The following DOK6 variants were observed in gnomAD, a reference collection of about 807,000 sequenced individuals.
DOK6 encodes docking protein 6, also known as downstream of tyrosine kinase 6.
In DOK6, 22 loss-of-function variants were observed where a neutral mutation model predicts 44.0. The observed-to-expected ratio is 0.50, with a 90% confidence interval of 0.36 to 0.71. The LOEUF is 0.71. DOK6 is among the 30% of genes least tolerant of loss of function. The pLI, the probability that DOK6 is intolerant of heterozygous loss-of-function variation, is 0.00. For missense variants in DOK6, 340 were observed against 416.4 expected, an observed-to-expected ratio of 0.82 and a Z score of 1.60; for synonymous variants, 166 against 145.5, an observed-to-expected ratio of 1.14 and a Z score of -1.01.
At chr18:69,773,338 G>C (rs1979943877) in intron 7 of DOK6, among the ~76,000 whole-genome samples, 1 of 151,708 alleles carries the variant, frequency 6.6e-6, no homozygotes, top group Admixed American at 6.6e-5. Flanking sequence ...TCCACCTACG[G>C]GTATTTATCA....
At chr18:69,716,692 CA>C (rs11351701) in intron 5 of DOK6, among the ~76,000 whole-genome samples, 38,877 of 104,446 alleles carry the variant, frequency 0.37, 4,614 homozygotes, top group East Asian at 0.42. Context: ...GCAGAATTGA[CA>C]AAAAAAAAAA....
chr18:69,429,500 C>G (rs1404137518), intron 1 of DOK6, among the ~76,000 whole-genome samples: 2 of 150,964 alleles, frequency 1.3e-5, no homozygotes, highest in African/African-American at 4.9e-5. Context: ...CCTGTTTGTA[C>G]TTGAGATTTT....
At chr18:69,707,896 C>T (rs1197116172) in intron 5 of DOK6, among the ~76,000 whole-genome samples, 2 of 152,002 alleles carry the variant, frequency 1.3e-5, no homozygotes, top group African/African-American at 4.8e-5. Context: ...ATTTGCACGG[C>T]GAATCATAAA....
chr18:69,553,103 A>G (rs997373284), intron 1 of DOK6, among the ~76,000 whole-genome samples: 1 of 152,350 alleles, frequency 6.6e-6, no homozygotes, highest in South Asian at 2.1e-4. Flanking sequence ...TAAAATATCA[A>G]TTTCTTCATC....
intron 1 of DOK6, among the ~76,000 whole-genome samples, chr18:69,490,448 T>A (rs755139478): frequency 2.6e-5 from 4 of 152,120 alleles, no homozygotes; most frequent in Non-Finnish European, 5.9e-5. Flanking sequence ...AGATAATAAT[T>A]ATGAAAAAAT....
intron 1 of DOK6, among the ~76,000 whole-genome samples, chr18:69,516,241 T>G (rs184147446): frequency 3.2e-3 from 320 of 98,726 alleles, no homozygotes; most frequent in African/African-American, 0.012. Context: ...GTTAAGAAGA[T>G]CCTTTTTTAG....
intron 3 of DOK6, among the ~76,000 whole-genome samples, chr18:69,645,170 G>A (rs538047882): frequency 9.7e-4 from 148 of 152,124 alleles, no homozygotes; most frequent in African/African-American, 3.3e-3. Flanking sequence ...CATTTATCAC[G>A]TGTGTGGATC....
intron 1 of DOK6, among the ~76,000 whole-genome samples, chr18:69,461,397 C>G (rs1289191275): frequency 6.6e-6 from 1 of 152,164 alleles, no homozygotes; most frequent in African/African-American, 2.4e-5. Flanking sequence ...TCCCACTCCA[C>G]CATGGGAACA....
intron 5 of DOK6, among the ~76,000 whole-genome samples, chr18:69,720,182 G>A (rs1011553241): frequency 8.6e-5 from 13 of 151,640 alleles, no homozygotes; most frequent in Admixed American, 3.9e-4. Context: ...GAGGGAGACT[G>A]ACTCAAAAAA....
intron 2 of DOK6, among the ~76,000 whole-genome samples, chr18:69,573,912 A>G (rs748949044): frequency 3.3e-5 from 5 of 152,052 alleles, no homozygotes; most frequent in Non-Finnish European, 7.4e-5. Context: ...AAATTACATT[A>G]CTATTAAGCA....
At chr18:69,752,575 G>T (rs139205680) in intron 6 of DOK6, among the ~76,000 whole-genome samples, 3 of 152,306 alleles carry the variant, frequency 2.0e-5, no homozygotes, top group African/African-American at 7.2e-5. Context: ...AATGGAGCCT[G>T]TGATAGAGAG....
At chr18:69,432,749 AAAAAAG>A (rs1475684280) in intron 1 of DOK6, among the ~76,000 whole-genome samples, 7 of 152,218 alleles carry the variant, frequency 4.6e-5, no homozygotes, top group African/African-American at 1.4e-4. Flanking sequence ...TCCCCTTCAA[AAAAAAG>A]AAAAAGTGAT....
At chr18:69,439,950 C>G (rs922351305) in intron 1 of DOK6, among the ~76,000 whole-genome samples, 2 of 152,214 alleles carry the variant, frequency 1.3e-5, no homozygotes, top group Non-Finnish European at 2.9e-5. Flanking sequence ...TTTCAGCATG[C>G]CTTCTTCACT....
intron 1 of DOK6, among the ~76,000 whole-genome samples, chr18:69,433,840 C>T (rs1978874054): frequency 6.6e-6 from 1 of 152,134 alleles, no homozygotes; most frequent in Non-Finnish European, 1.5e-5. Context: ...GAACAATGTG[C>T]ATTTCAGATT....
intron 1 of DOK6, among the ~76,000 whole-genome samples, chr18:69,543,221 G>T (rs548388069): frequency 6.6e-6 from 1 of 151,518 alleles, no homozygotes; most frequent in African/African-American, 2.4e-5. Context: ...ATGAAAAATT[G>T]CAACTGTGCT....
At chr18:69,737,733 G>T (rs1174135566) in intron 5 of DOK6, among the ~76,000 whole-genome samples, 2 of 152,170 alleles carry the variant, frequency 1.3e-5, no homozygotes, top group Admixed American at 1.3e-4. Flanking sequence ...CCTCCTGTAA[G>T]CATGCAAGCT....
At chr18:69,669,946 A>G (rs562989099) in intron 3 of DOK6, among the ~76,000 whole-genome samples, 7 of 152,324 alleles carry the variant, frequency 4.6e-5, no homozygotes, top group Admixed American at 2.6e-4. Context: ...TTTATTACTG[A>G]CATAACAAAT....
At chr18:69,673,005 G>A (rs964564726) in intron 3 of DOK6, among the ~76,000 whole-genome samples, 4 of 152,032 alleles carry the variant, frequency 2.6e-5, no homozygotes, top group African/African-American at 7.2e-5. Flanking sequence ...GAATTAGATA[G>A]AATTAAGAAT....
intron 5 of DOK6, among the ~76,000 whole-genome samples, chr18:69,716,295 T>C (rs1986879237): frequency 6.6e-6 from 1 of 152,236 alleles, no homozygotes; most frequent in Non-Finnish European, 1.5e-5. Flanking sequence ...TGTAAAGCCA[T>C]ACTTTGAGGG....
Sources: gnomAD v4.1 joint callset for allele counts (sites outside exome capture counted in the v4.1 genomes callset) on GRCh38, gnomAD v4.1.1 for gene constraint, MANE v1.5 for transcripts, NCBI Gene and HGNC (gene_info 2026-07-23, HGNC 2026-07-21) for gene names.